The following HMGA2 variants were observed in gnomAD, a reference collection of about 807,000 sequenced individuals.
HMGA2 encodes high mobility group protein HMGI-C.
HMGA2 carries 8 observed loss-of-function variants against 19.1 expected under a neutral mutation model. The ratio of observed to expected loss-of-function variants is 0.42; its 90% confidence interval spans 0.25 to 0.76. The LOEUF (loss-of-function observed/expected upper bound fraction) is 0.76, where lower values mean the gene tolerates loss of function less well. Among genes scored for constraint, HMGA2 ranks in the 30% least tolerant of loss-of-function variants. The pLI, the probability that HMGA2 is intolerant of heterozygous loss-of-function variation, is 0.28. For synonymous variants in HMGA2, 60 were observed against 48.8 expected (o/e 1.23, Z -0.96); for missense variants, 109 against 136.3 (o/e 0.80, Z 1.00).
chr12:65,964,827 G>A lies in HMGA2; in HGVS notation c.*1535G>A. The A allele has an allele frequency of 5.2e-6, 1 of 193,334 alleles. No individual in the cohort carries two copies. The allele number at this position is 193,334 out of a possible 1,614,324, so 12.0% of individuals were successfully genotyped here. A position where few individuals can be genotyped will look rare whatever the true frequency, so the allele number is the denominator to read the frequency against. On this transcript the variant is annotated 3_prime_UTR_variant, in exon 5 of 5. Transcript: ENST00000403681. ...AAATTTTTTAACCAAGTCGCTCCTA[G>A]GTTCTTAAGGATAATTTTCCTCAAT...
intron 3 of HMGA2, among the ~76,000 whole-genome samples, chr12:65,948,695 A>G (rs1295830177): frequency 6.6e-6 from 1 of 152,176 alleles, no homozygotes; most frequent in Non-Finnish European, 1.5e-5. Flanking sequence ...TGGTGGTCTG[A>G]AAAGTATGAA....
chr12:65,884,803 GGCCTTAGTT>G (rs1241901021), intron 3 of HMGA2, among the ~76,000 whole-genome samples: 1 of 151,932 alleles, frequency 6.6e-6, no homozygotes, highest in Non-Finnish European at 1.5e-5. Context: ...AATCTATCTG[GGCCTTAGTT>G]GCCTCAGCTG....
chr12:65,852,380 G>A (rs1308485692), intron 3 of HMGA2, among the ~76,000 whole-genome samples: 1 of 152,114 alleles, frequency 6.6e-6, no homozygotes, highest in Non-Finnish European at 1.5e-5. Flanking sequence ...GCGCGCTGCT[G>A]TAATCCCAGC....
In HMGA2 at chr12:65,824,717, CTCTCTCT is replaced by C. The variant is rs1870029835; in HGVS notation, c.-553_-547del. ...GGCACTTTCAATCTCAATCTCTTCT[CTCTCTCT>C]CTCTCTCTCTCTCTCTCTCTCTCTC... On this transcript the variant is annotated 5_prime_UTR_variant, in exon 1 of 5. Coordinates refer to ENST00000403681, the MANE Select transcript of HMGA2 (RefSeq NM_003483.6). The C allele has an allele frequency of 6.3e-5, 3 of 47,856 alleles. No homozygotes were observed. The highest frequency in any genetic ancestry group is 1.8e-4 in the Non-Finnish European group (3 of 16,790). The allele number at this position is 47,856 out of a possible 1,614,324, so 3.0% of individuals were successfully genotyped here.
At chr12:65,952,315 T>C (rs548841186) in intron 4 of HMGA2, 294 of 1,460,534 alleles carry the variant, frequency 2.0e-4, no homozygotes, top group Non-Finnish European at 2.6e-4. Flanking sequence ...TTTTTTTCCC[T>C]AGAAGTCTTT....
At chr12:65,939,766 G>A (rs1054827869) in intron 3 of HMGA2, among the ~76,000 whole-genome samples, 3 of 152,156 alleles carry the variant, frequency 2.0e-5, no homozygotes, top group East Asian at 1.9e-4. Context: ...ACACATGCAC[G>A]GGAGCACCAG....
At chr12:65,945,502 C>A (rs1041231157) in intron 3 of HMGA2, among the ~76,000 whole-genome samples, 1 of 151,630 alleles carries the variant, frequency 6.6e-6, no homozygotes, top group Non-Finnish European at 1.5e-5. Context: ...TATTTCACAG[C>A]ACATAAATGA....
At position 65,963,632 on chromosome 12, in the gene HMGA2, G is replaced by T. The variant is rs1183821746; in HGVS notation, c.*340G>T. 1 of 405,118 alleles carries T rather than the reference G, an allele frequency of 2.5e-6. No individual in the cohort carries two copies. Among genetic ancestry groups the T allele is most frequent in the Admixed American group, 4.2e-5 (1 of 23,820 alleles). 25.1% of individuals were successfully genotyped at this position (405,118 alleles called of 1,614,324 possible). On this transcript the variant is annotated 3_prime_UTR_variant, in exon 5 of 5. Coordinates refer to ENST00000403681, the MANE Select transcript of HMGA2 (RefSeq NM_003483.6). ...TGATCTGATAAGCAAGAGTGGGCGG[G>T]TGAGAAAAACCGAATTGGGTTTAGT...
At chr12:65,955,107 G>A (rs914292155) in intron 4 of HMGA2, 3 of 152,186 alleles carry the variant, frequency 2.0e-5, no homozygotes, top group Admixed American at 1.3e-4. Context: ...CTTGAACCTG[G>A]TTGGCGGGGG....
chr12:65,916,374 T>C (rs531376170), intron 3 of HMGA2, among the ~76,000 whole-genome samples: 2 of 152,254 alleles, frequency 1.3e-5, no homozygotes, highest in African/African-American at 4.8e-5. Flanking sequence ...TGTACTGGAC[T>C]GCAGATAGGT....
At chr12:65,904,884 A>T (rs1284239248) in intron 3 of HMGA2, among the ~76,000 whole-genome samples, 2 of 152,086 alleles carry the variant, frequency 1.3e-5, no homozygotes. Flanking sequence ...TCTACTAAAA[A>T]TACAAAATTT....
At chr12:65,911,541 A>T (rs1270464093) in intron 3 of HMGA2, among the ~76,000 whole-genome samples, 3 of 152,164 alleles carry the variant, frequency 2.0e-5, no homozygotes, top group Non-Finnish European at 4.4e-5. Flanking sequence ...AGCAAGATTA[A>T]GATCCAGGAA....
chr12:65,910,431 C>T (rs1874794359), intron 3 of HMGA2, among the ~76,000 whole-genome samples: 1 of 152,218 alleles, frequency 6.6e-6, no homozygotes, highest in South Asian at 2.1e-4. Flanking sequence ...TTATATCTCA[C>T]TTAAAAATCT....
At chr12:65,928,126 C>T (rs531322349) in intron 3 of HMGA2, among the ~76,000 whole-genome samples, 1 of 152,118 alleles carries the variant, frequency 6.6e-6, no homozygotes, top group South Asian at 2.1e-4. Flanking sequence ...CTAGATAGTA[C>T]AGCCTACTGC....
intron 3 of HMGA2, among the ~76,000 whole-genome samples, chr12:65,844,965 A>T (rs1871172763): frequency 6.6e-6 from 1 of 152,212 alleles, no homozygotes; most frequent in African/African-American, 2.4e-5. Flanking sequence ...TTCTAATAAA[A>T]TGACAAATGT....
At chr12:65,877,681 G>A (rs1159636273) in intron 3 of HMGA2, among the ~76,000 whole-genome samples, 1 of 151,952 alleles carries the variant, frequency 6.6e-6, no homozygotes, top group Non-Finnish European at 1.5e-5. Context: ...GTGCTTTGAA[G>A]AGAGCAAAAA....
At chr12:65,879,025 A>G (rs1166232075) in intron 3 of HMGA2, among the ~76,000 whole-genome samples, 2 of 152,254 alleles carry the variant, frequency 1.3e-5, no homozygotes, top group Non-Finnish European at 2.9e-5. Flanking sequence ...CAGTTTCTCA[A>G]GTCAATTTTC....
chr12:65,928,745 T>A (rs549770852), intron 3 of HMGA2, among the ~76,000 whole-genome samples: 4 of 152,282 alleles, frequency 2.6e-5, no homozygotes, highest in South Asian at 2.1e-4. Flanking sequence ...ACACATAGGG[T>A]GTGGATGATC....
At chr12:65,870,125 C>T (rs1415647087) in intron 3 of HMGA2, among the ~76,000 whole-genome samples, 1 of 151,764 alleles carries the variant, frequency 6.6e-6, no homozygotes, top group Non-Finnish European at 1.5e-5. Flanking sequence ...TATAAGTAAA[C>T]ACAATATGGT....
Sources: gnomAD v4.1 joint callset for allele counts (sites outside exome capture counted in the v4.1 genomes callset) on GRCh38, gnomAD v4.1.1 for gene constraint, MANE v1.5 for transcripts, NCBI Gene and HGNC (gene_info 2026-07-23, HGNC 2026-07-21) for gene names.